Variants in CSMD1 observed in about 807,000 individuals in gnomAD.
The protein encoded by CSMD1 is CUB and sushi domain-containing protein 1.
Under a neutral mutation model 417.5 loss-of-function variants are expected in CSMD1, and 213 were observed. That is an observed-to-expected ratio of 0.51 (90% CI 0.46 to 0.57). The LOEUF is 0.57. CSMD1 is among the 20% of genes least tolerant of loss of function. The probability of loss-of-function intolerance (pLI) is 0.00; values close to 1 mark genes in which losing one functional copy is unlikely to be tolerated. For missense variants in CSMD1, 6,923 were observed against 4,529.7 expected (o/e 1.53, Z -15.17); for synonymous variants, 2,862 against 1,736.8 (o/e 1.65, Z -16.11).
chr8:4,709,326 G>A (rs947499511), intron 1 of CSMD1, among the ~76,000 whole-genome samples: 3 of 152,162 alleles, frequency 2.0e-5, no homozygotes, highest in Non-Finnish European at 4.4e-5. Flanking sequence ...TGATACCTGA[G>A]GCCTCTGTGT....
chr8:4,684,660 A>T (rs998956372), intron 1 of CSMD1, among the ~76,000 whole-genome samples: 1 of 152,224 alleles, frequency 6.6e-6, no homozygotes, highest in African/African-American at 2.4e-5. Flanking sequence ...TAAGGCAATT[A>T]AGTGAAATAA....
At chr8:4,506,251 C>T (rs1025938586) in intron 2 of CSMD1, among the ~76,000 whole-genome samples, 5 of 152,166 alleles carry the variant, frequency 3.3e-5, no homozygotes, top group African/African-American at 7.2e-5. Context: ...GAGCACCTCA[C>T]TAATGTGTTC....
intron 10 of CSMD1, among the ~76,000 whole-genome samples, chr8:3,573,095 G>GT (rs1159041531): frequency 2.6e-5 from 4 of 151,948 alleles, no homozygotes; most frequent in Admixed American, 2.0e-4. Flanking sequence ...GTTAATAAGT[G>GT]TTTTTTTCTA....
chr8:4,638,105 T>G (rs1802951613), intron 1 of CSMD1, among the ~76,000 whole-genome samples: 1 of 152,052 alleles, frequency 6.6e-6, no homozygotes, highest in Non-Finnish European at 1.5e-5. Flanking sequence ...ATATTAGAAG[T>G]TTAGGGAAGT....
chr8:4,294,096 C>A (rs193088080), intron 3 of CSMD1, among the ~76,000 whole-genome samples: 12 of 152,278 alleles, frequency 7.9e-5, no homozygotes, highest in African/African-American at 2.2e-4. Flanking sequence ...GTTCTATATT[C>A]CTGTCACTGG....
intron 3 of CSMD1, among the ~76,000 whole-genome samples, chr8:4,323,792 A>C (rs1362137619): frequency 6.6e-6 from 1 of 152,148 alleles, no homozygotes; most frequent in Non-Finnish European, 1.5e-5. Flanking sequence ...ATCTTGACTT[A>C]TTGAACCATA....
intron 3 of CSMD1, among the ~76,000 whole-genome samples, chr8:4,315,450 T>C (rs1798866932): frequency 6.6e-6 from 1 of 151,650 alleles, no homozygotes; most frequent in African/African-American, 2.4e-5. Context: ...AATCAGTGAA[T>C]GCAAAAAAAA....
chr8:4,374,005 C>T (rs529407265), intron 3 of CSMD1, among the ~76,000 whole-genome samples: 2 of 152,132 alleles, frequency 1.3e-5, no homozygotes, highest in African/African-American at 4.8e-5. Flanking sequence ...TGAACTATGA[C>T]AGAAATTAAG....
chr8:3,560,914 T>C (rs1300769985), intron 10 of CSMD1, among the ~76,000 whole-genome samples: 1 of 152,210 alleles, frequency 6.6e-6, no homozygotes, highest in Admixed American at 6.5e-5. Context: ...TACTTCCATG[T>C]TACAGACGCC....
chr8:4,176,245 A>G (rs1423093391), intron 3 of CSMD1, among the ~76,000 whole-genome samples: 2 of 152,064 alleles, frequency 1.3e-5, no homozygotes, highest in African/African-American at 2.4e-5. Flanking sequence ...ACGTTCTTAT[A>G]TACATTTGGT....
At chr8:4,787,965 T>C (rs759437014) in intron 1 of CSMD1, 226 of 1,595,398 alleles carry the variant, frequency 1.4e-4, no homozygotes, top group Non-Finnish European at 1.8e-4. Context: ...ACTCTGGCCA[T>C]CAGGAGATCG....
intron 26 of CSMD1, among the ~76,000 whole-genome samples, chr8:3,246,149 G>C (rs915076427): frequency 6.6e-6 from 1 of 151,994 alleles, no homozygotes; most frequent in South Asian, 2.1e-4. Context: ...AAAAACCCTT[G>C]AGTGGATTCC....
At chr8:3,712,424 G>C (rs1258118645) in intron 6 of CSMD1, among the ~76,000 whole-genome samples, 2 of 148,410 alleles carry the variant, frequency 1.3e-5, no homozygotes, top group African/African-American at 2.5e-5. Flanking sequence ...CAGACAGACA[G>C]ACAGACAGAC....
Position 4,657,488 on chromosome 8 carries a change from C to T in CSMD1, c.86-19930G>A, listed in dbSNP as rs182642412. Reference sequence around the variant, plus strand: ...AATCTCTGTCAAAACGCTGTTTAAACATTAGTTAAAGGGACAAAGGCTTCA... The same window carrying T: ...AATCTCTGTCAAAACGCTGTTTAAATATTAGTTAAAGGGACAAAGGCTTCA... On this transcript the variant is annotated intron_variant, in intron 1 of 69. Transcript: ENST00000635120. Among the ~76,000 whole-genome samples, 348 of 152,168 alleles carry T rather than the reference C, an allele frequency of 2.3e-3. 2 individuals carry two copies. The highest frequency in any genetic ancestry group is 8.2e-3 in the African/African-American group (339 of 41,504).
chr8:3,123,198 C>T (rs1817305735), intron 41 of CSMD1, among the ~76,000 whole-genome samples: 1 of 152,226 alleles, frequency 6.6e-6, no homozygotes, highest in African/African-American at 2.4e-5. Flanking sequence ...CTCTGACACA[C>T]ACACCCCTCA....
intron 1 of CSMD1, among the ~76,000 whole-genome samples, chr8:4,906,793 C>G (rs1358581528): frequency 1.3e-5 from 2 of 152,172 alleles, no homozygotes; most frequent in Admixed American, 6.5e-5. Context: ...CTCTTGACCT[C>G]GTGATCTGCC....
intron 3 of CSMD1, among the ~76,000 whole-genome samples, chr8:4,223,753 T>G (rs1700062): frequency 0.5 from 76,370 of 152,086 alleles, 20,428 homozygotes; most frequent in Non-Finnish European, 0.6. Context: ...CTCAGAATAT[T>G]TCTAGCAAAG....
At chr8:4,220,890 T>C (rs796133534) in intron 3 of CSMD1, among the ~76,000 whole-genome samples, 4 of 152,278 alleles carry the variant, frequency 2.6e-5, no homozygotes, top group African/African-American at 9.6e-5. Flanking sequence ...TGGGACTGGA[T>C]GTGGGAGGAA....
chr8:3,463,398 G>T (rs1816629541), intron 12 of CSMD1, among the ~76,000 whole-genome samples: 1 of 152,212 alleles, frequency 6.6e-6, no homozygotes, highest in South Asian at 2.1e-4. Flanking sequence ...TGTGAAAAAG[G>T]AGGTACACAT....
Sources: allele counts gnomAD v4.1 joint callset (sites outside exome capture counted in the v4.1 genomes callset), GRCh38; gene constraint gnomAD v4.1.1; transcripts MANE v1.5; gene names NCBI Gene and HGNC (gene_info 2026-07-23, HGNC 2026-07-21).